Variants in SGCD observed in about 807,000 individuals in gnomAD.
The protein encoded by SGCD is sarcoglycan delta.
SGCD carries 18 observed loss-of-function variants against 36.6 expected under a neutral mutation model. The ratio of observed to expected loss-of-function variants is 0.49; its 90% CI spans 0.34 to 0.73. The LOEUF (loss-of-function observed/expected upper bound fraction) is 0.73. Among genes scored for constraint, SGCD ranks in the 30% least tolerant of loss-of-function variants. The pLI, the probability that SGCD is intolerant of heterozygous loss-of-function variation, is 0.01. For missense variants in SGCD, 387 were observed against 346.7 expected (o/e 1.12, Z -0.92); for synonymous variants, 133 against 130.6 (o/e 1.02, Z -0.12).
At chr5:155,951,259 T>C (rs958186980) in intron 1 of SGCD, among the ~76,000 whole-genome samples, 11 of 152,170 alleles carry the variant, frequency 7.2e-5, no homozygotes, top group Admixed American at 6.6e-4. Flanking sequence ...CTCTTCCTGA[T>C]AGCCCACAGC....
chr5:155,868,612 TG>T (rs1391749999), upstream of SGCD, among the ~76,000 whole-genome samples: 2 of 151,888 alleles, frequency 1.3e-5, no homozygotes, highest in East Asian at 3.9e-4. Context: ...CCTAAGGAAA[TG>T]AAGGGATCTA....
chr5:155,811,340 T>C, the SGCD span, among the ~76,000 whole-genome samples: 1 of 152,140 alleles, frequency 6.6e-6, no homozygotes, highest in Non-Finnish European at 1.5e-5. Context: ...CCCAGTTCCA[T>C]GCCTGGGAAT....
rs1362615818 is a variant in SGCD, at chr5:156,595,027, G to GGAGCT, written c.481_485dup (p.Arg163LeufsTer7). On this transcript the variant is annotated frameshift_variant, in exon 6 of 9. Coordinates refer to ENST00000337851, the MANE Select transcript of SGCD (RefSeq NM_000337.6). LOFTEE classifies it high-confidence loss of function. ...TGCAGACAATAATGAAGTGGTAGTA[G>GGAGCT]GAGCTGAAAGATTACGAGTTTTAGG... 2.5e-6 allele frequency: 4 copies of GGAGCT among 1,611,824 alleles called. No homozygotes were observed. The highest frequency in any genetic ancestry group is 3.4e-6 in the Non-Finnish European group (4 of 1,178,522).
chr5:156,007,041 A>G (rs1758771916), intron 1 of SGCD, among the ~76,000 whole-genome samples: 1 of 152,208 alleles, frequency 6.6e-6, no homozygotes, highest in Non-Finnish European at 1.5e-5. Flanking sequence ...AAATCGTTTC[A>G]TAGTGTTCAT....
At chr5:156,146,581 TTGTAA>T (rs1235320039) in intron 3 of SGCD, among the ~76,000 whole-genome samples, 1 of 152,234 alleles carries the variant, frequency 6.6e-6, no homozygotes, top group African/African-American at 2.4e-5. Context: ...CTAACTTTAG[TTGTAA>T]TTTTACATGT....
intron 3 of SGCD, among the ~76,000 whole-genome samples, chr5:156,204,923 A>G (rs1179127986): frequency 6.6e-6 from 1 of 152,116 alleles, no homozygotes; most frequent in Non-Finnish European, 1.5e-5. Context: ...TATTGCTACA[A>G]CCGTGATCTC....
At chr5:155,751,709 T>C in the SGCD span, among the ~76,000 whole-genome samples, 7 of 151,022 alleles carry the variant, frequency 4.6e-5, no homozygotes, top group Admixed American at 4.6e-4. Flanking sequence ...GGTGTTTTTT[T>C]TTATAAAAAA....
At chr5:155,751,545 C>T in the SGCD span, among the ~76,000 whole-genome samples, 3 of 152,010 alleles carry the variant, frequency 2.0e-5, no homozygotes, top group African/African-American at 7.2e-5. Context: ...TACCACCACA[C>T]CAGGCTAATT....
chr5:156,041,577 C>T (rs1048382259), intron 1 of SGCD, among the ~76,000 whole-genome samples: 1 of 152,134 alleles, frequency 6.6e-6, no homozygotes, highest in Non-Finnish European at 1.5e-5. Context: ...ATTCATCCAT[C>T]AACCATTTAT....
At chr5:155,824,218 A>G in the SGCD span, among the ~76,000 whole-genome samples, 1 of 152,172 alleles carries the variant, frequency 6.6e-6, no homozygotes, top group Non-Finnish European at 1.5e-5. Flanking sequence ...CTGCATAGTA[A>G]TGGAATGTGG....
At chr5:156,377,952 C>T (rs1770758947) in intron 3 of SGCD, among the ~76,000 whole-genome samples, 1 of 152,134 alleles carries the variant, frequency 6.6e-6, no homozygotes, top group Non-Finnish European at 1.5e-5. Context: ...TTAACTTCCA[C>T]ACAAATATTT....
At chr5:156,646,024 A>G (rs394183) in intron 6 of SGCD, among the ~76,000 whole-genome samples, 139,694 of 152,128 alleles carry the variant, frequency 0.92, 64,302 homozygotes, top group East Asian at 0.99. Context: ...ATATCACAGA[A>G]GTTGAACTTC....
At chr5:156,638,569 C>G (rs1267732841) in intron 6 of SGCD, among the ~76,000 whole-genome samples, 1 of 152,152 alleles carries the variant, frequency 6.6e-6, no homozygotes, top group African/African-American at 2.4e-5. Context: ...CTGCCTTGTT[C>G]CAGAATTTTC....
intron 3 of SGCD, among the ~76,000 whole-genome samples, chr5:156,503,686 A>G (rs932721839): frequency 1.3e-5 from 2 of 152,176 alleles, no homozygotes; most frequent in African/African-American, 4.8e-5. Context: ...GTAACTTACT[A>G]ACAAATTTGC....
intron 6 of SGCD, among the ~76,000 whole-genome samples, chr5:156,628,964 A>G: frequency 6.6e-6 from 1 of 152,234 alleles, no homozygotes; most frequent in East Asian, 1.9e-4. Context: ...TCACTGTGGA[A>G]ATTAAATAAG....
At chr5:156,112,670 C>T (rs1183522727) in intron 1 of SGCD, among the ~76,000 whole-genome samples, 1 of 152,260 alleles carries the variant, frequency 6.6e-6, no homozygotes, top group Non-Finnish European at 1.5e-5. Flanking sequence ...TATGCCCCTT[C>T]TACAGTTTAG....
chr5:156,692,929 GC>G (rs536898123), intron 7 of SGCD, among the ~76,000 whole-genome samples: 4 of 152,108 alleles, frequency 2.6e-5, no homozygotes, highest in African/African-American at 7.2e-5. Flanking sequence ...CAATTATTAT[GC>G]ACTAACCGTG....
At chr5:155,746,618 A>G in the SGCD span, among the ~76,000 whole-genome samples, 1 of 151,990 alleles carries the variant, frequency 6.6e-6, no homozygotes, top group Non-Finnish European at 1.5e-5. Context: ...GCTTTTGTCT[A>G]GTTTCCAGCT....
At chr5:156,298,020 G>A (rs1766945761) in intron 3 of SGCD, among the ~76,000 whole-genome samples, 1 of 151,680 alleles carries the variant, frequency 6.6e-6, no homozygotes. Flanking sequence ...GCCCAAATGA[G>A]TGAAAATATG....
Sources: gnomAD v4.1 joint callset for allele counts (sites outside exome capture counted in the v4.1 genomes callset) on GRCh38, gnomAD v4.1.1 for gene constraint, MANE v1.5 for transcripts, NCBI Gene and HGNC (gene_info 2026-07-23, HGNC 2026-07-21) for gene names.